The following EXOC6 variants were observed in gnomAD, a reference collection of about 807,000 sequenced individuals.
The protein encoded by EXOC6 is SEC15-like 1.
EXOC6 carries 60 observed loss-of-function variants against 112.5 expected under a neutral mutation model. The observed-to-expected ratio is 0.53, with a 90% confidence interval of 0.43 to 0.66. EXOC6 has a LOEUF of 0.66. Among genes scored for constraint, EXOC6 ranks in the 30% least tolerant of loss-of-function variants. The pLI, the probability that EXOC6 is intolerant of heterozygous loss-of-function variation, is 0.00. For synonymous variants in EXOC6, 295 were observed against 308.0 expected (o/e 0.96, Z 0.44); for missense variants, 855 against 957.1 (o/e 0.89, Z 1.41).
intron 13 of EXOC6, among the ~76,000 whole-genome samples, chr10:92,941,909 C>T (rs1043933873): frequency 2.0e-5 from 3 of 152,168 alleles, no homozygotes; most frequent in African/African-American, 4.8e-5. Flanking sequence ...TTCTCTCCAT[C>T]CTTCTCCCTT....
At chr10:92,840,097 C>T (rs1371575824) in intron 1 of EXOC6, among the ~76,000 whole-genome samples, 5 of 147,754 alleles carry the variant, frequency 3.4e-5, no homozygotes, top group Admixed American at 2.1e-4. Flanking sequence ...ATAAAGATAA[C>T]GTGCTTTTAG....
chr10:92,862,860 A>G (rs1847974442), intron 1 of EXOC6, among the ~76,000 whole-genome samples: 1 of 152,156 alleles, frequency 6.6e-6, no homozygotes, highest in African/African-American at 2.4e-5. Context: ...TTGAATGCCT[A>G]TGTTCAGTAT....
intron 14 of EXOC6, among the ~76,000 whole-genome samples, chr10:92,949,420 T>C (rs1482175456): frequency 6.6e-6 from 1 of 152,162 alleles, no homozygotes. Flanking sequence ...TCTAATTCTG[T>C]ATTTTTTGAA....
chr10:92,971,188 A>G (rs940511493), intron 17 of EXOC6, among the ~76,000 whole-genome samples: 2 of 151,966 alleles, frequency 1.3e-5, no homozygotes, highest in African/African-American at 4.8e-5. Flanking sequence ...AGTAGCTGGG[A>G]CTACAGGCGC....
At chr10:93,013,644 G>A (rs571766443) in intron 19 of EXOC6, among the ~76,000 whole-genome samples, 6 of 152,154 alleles carry the variant, frequency 3.9e-5, no homozygotes, top group East Asian at 1.9e-4. Flanking sequence ...TAATTAAAAG[G>A]CATGAACAGA....
chr10:92,955,416 G>A (rs78079120), intron 16 of EXOC6, among the ~76,000 whole-genome samples, 164 bp from the exon 17 acceptor site: 1,624 of 150,550 alleles, frequency 0.011, 34 homozygotes, highest in African/African-American at 0.037. Flanking sequence ...AAATTCATAC[G>A]CAGTATTTGC....
In EXOC6 at chr10:93,034,062, T is replaced by C. The variant is rs573699185; in HGVS notation, c.2169+19795T>C. 2.4e-4 allele frequency among the ~76,000 whole-genome samples: 36 copies of C among 152,356 alleles called. No individual in the cohort carries two copies. In the South Asian group the frequency reaches 5.2e-3, roughly 22 times the overall value. ...ACTGTTTCCTGAACTATTTCAACTA[T>C]ATATATTAACAATGGTTTAATGAAA... On this transcript the variant is annotated intron_variant, in intron 20 of 21. Coordinates refer to ENST00000260762, the MANE Select transcript of EXOC6 (RefSeq NM_019053.6).
chr10:93,013,899 G>A (rs1433394329), intron 19 of EXOC6, among the ~76,000 whole-genome samples: 1 of 152,152 alleles, frequency 6.6e-6, no homozygotes, highest in African/African-American at 2.4e-5. Flanking sequence ...AGCTTTACTT[G>A]ATTGAAGTAC....
intron 17 of EXOC6, among the ~76,000 whole-genome samples, chr10:92,966,287 T>A (rs11187229): frequency 0.024 from 1,759 of 71,988 alleles, 18 homozygotes; most frequent in Non-Finnish European, 0.031. Context: ...TTATAATTAT[T>A]ATTATTATTA....
At chr10:93,033,420 AGAG>A (rs1845362438) in intron 20 of EXOC6, among the ~76,000 whole-genome samples, 1 of 152,194 alleles carries the variant, frequency 6.6e-6, no homozygotes, top group Admixed American at 6.5e-5. Context: ...TTTTATTTCA[AGAG>A]AACTGTGAGT....
chr10:93,000,621 G>A (rs540005695), intron 19 of EXOC6, among the ~76,000 whole-genome samples: 226 of 152,206 alleles, frequency 1.5e-3, no homozygotes, highest in African/African-American at 5.2e-3. Flanking sequence ...GACAAACCAC[G>A]GAAGACAACT....
intron 1 of EXOC6, among the ~76,000 whole-genome samples, chr10:92,882,625 T>A (rs1234899600): frequency 6.6e-6 from 1 of 152,108 alleles, no homozygotes; most frequent in African/African-American, 2.4e-5. Context: ...ATCATGTGGC[T>A]TTATGAAAAA....
intron 1 of EXOC6, among the ~76,000 whole-genome samples, chr10:92,851,266 GAA>G (rs573245125): frequency 2.6e-3 from 398 of 152,312 alleles, no homozygotes; most frequent in Middle Eastern, 0.01. Flanking sequence ...CAGAAATACA[GAA>G]AGTCAGTGAA....
At chr10:92,867,844 C>T (rs1196741648) in intron 1 of EXOC6, among the ~76,000 whole-genome samples, 2 of 152,050 alleles carry the variant, frequency 1.3e-5, no homozygotes, top group African/African-American at 4.8e-5. Flanking sequence ...AATATATCTG[C>T]ATTTTTTTGG....
In EXOC6 at chr10:92,896,123, G is replaced by GTATATATATA. The variant is rs1484656562; in HGVS notation, c.412+1104_412+1105insATATATATAT. Among the ~76,000 whole-genome samples the GTATATATATA allele has an allele frequency of 2.9e-3, 101 of 34,708 alleles. 12 individuals carry two copies. The highest frequency in any genetic ancestry group is 0.014 in the African/African-American group (91 of 6,562). 22.8% of individuals were successfully genotyped at this position (34,708 alleles called of 152,430 possible). On this transcript the variant is annotated intron_variant, in intron 4 of 21. Coordinates refer to ENST00000260762, the MANE Select transcript of EXOC6 (RefSeq NM_019053.6). ...TGTATATATATGTGTATATATATGT[G>GTATATATATA]TGTGTGTGTGTGTGTATGTATGTGT... is the stretch of plus-strand genomic sequence containing the variant.
chr10:92,999,707 ATTT>A (rs11399257), intron 19 of EXOC6, among the ~76,000 whole-genome samples: 1 of 145,362 alleles, frequency 6.9e-6, no homozygotes, highest in Non-Finnish European at 1.5e-5. Flanking sequence ...ATTGTGCCTA[ATTT>A]TTTTTTTTTT....
chr10:92,849,074 G>C (rs1266072220), intron 1 of EXOC6, among the ~76,000 whole-genome samples: 1 of 152,126 alleles, frequency 6.6e-6, no homozygotes, highest in Non-Finnish European at 1.5e-5. Flanking sequence ...GAGGTGCCAG[G>C]TCGCGCGCGG....
intron 20 of EXOC6, among the ~76,000 whole-genome samples, chr10:93,032,693 C>T (rs1030208649): frequency 6.6e-6 from 1 of 152,178 alleles, no homozygotes; most frequent in African/African-American, 2.4e-5. Context: ...GGCAGGATCC[C>T]TCCTCTCACA....
chr10:92,896,585 GTAT>G (rs71842913), intron 4 of EXOC6, among the ~76,000 whole-genome samples: 42,036 of 150,636 alleles, frequency 0.28, 6,056 homozygotes, highest in Middle Eastern at 0.37. Context: ...AAAAATTGTA[GTAT>G]TATTATTATT....
Sources: allele counts gnomAD v4.1 joint callset (sites outside exome capture counted in the v4.1 genomes callset), GRCh38; gene constraint gnomAD v4.1.1; transcripts MANE v1.5; gene names NCBI Gene and HGNC (gene_info 2026-07-23, HGNC 2026-07-21).